The following RELA variants were observed in gnomAD, a reference collection of about 807,000 sequenced individuals.
RELA encodes the protein transcription factor p65.
RELA carries 14 observed loss-of-function variants against 56.7 expected under a neutral mutation model. The observed-to-expected ratio is 0.25, with a 90% confidence interval of 0.16 to 0.39. RELA has a LOEUF of 0.39. RELA is among the 10% of genes least tolerant of loss of function. RELA has a pLI of 1.00. For missense variants in RELA, 559 were observed against 736.4 expected, an observed-to-expected ratio of 0.76 and a Z score of 2.79; for synonymous variants, 315 against 289.7, an observed-to-expected ratio of 1.09 and a Z score of -0.89.
At chr11:65,660,009 G>T in intron 5 of RELA, 115 bp downstream of exon 5, 2 of 1,218,084 alleles carry the variant, frequency 1.6e-6, no homozygotes, top group South Asian at 1.3e-5. Flanking sequence ...GGAGAGTACT[G>T]AATGGGCACC....
intron 4 of RELA, 91 bp downstream of exon 4, chr11:65,661,596 T>C: frequency 2.4e-6 from 3 of 1,265,106 alleles, no homozygotes; most frequent in Non-Finnish European, 3.3e-6. Flanking sequence ...AATTCTGCCC[T>C]GGGTCCAGAA....
chr11:65,661,914 GCA>G, intron 3 of RELA, 21 bp downstream of exon 3: 1 of 1,608,552 alleles, frequency 6.2e-7, no homozygotes, highest in Non-Finnish European at 8.5e-7. Context: ...TCCCTTCCCC[GCA>G]CACCCTGGCG....
chr11:65,663,687 C>T (rs1052086487), upstream of RELA, among the ~76,000 whole-genome samples: 40 of 152,280 alleles, frequency 2.6e-4, no homozygotes, highest in African/African-American at 8.4e-4. Context: ...TCAGAAGGTG[C>T]GGGACCCACA....
rs1260899484 is a variant in RELA at position 65,654,857 on chromosome 11, G to A, written c.1177C>T (p.Pro393Ser). Residue 393 changes from proline to serine, a missense_variant, in exon 11 of 11, where the codon CCT becomes TCT. Transcript: ENST00000406246. Reference sequence around the variant, plus strand: ...GATACCATGGCTGGAGCAGGGGCAGGGGCTGGAGCCTGGGGCAGGACTTGG... The same window carrying A: ...GATACCATGGCTGGAGCAGGGGCAGAGGCTGGAGCCTGGGGCAGGACTTGG... Reference protein sequence around the residue: ...PPQVLPQAPAPAPAPAMVSAL... With the variant: ...PPQVLPQAPASAPAPAMVSAL... The A allele has an allele frequency of 6.4e-7, 1 of 1,565,666 alleles. No homozygotes were observed. The highest frequency in any genetic ancestry group is 8.7e-7 in the Non-Finnish European group (1 of 1,152,734).
intron 10 of RELA, 32 bp downstream of exon 10, chr11:65,655,656 G>A: frequency 6.2e-7 from 1 of 1,604,262 alleles, no homozygotes; most frequent in Non-Finnish European, 8.5e-7. Context: ...AGCTGAACCT[G>A]TCGTTCCAGT....
rs912392855 is a variant in RELA at position 65,658,614 on chromosome 11, G to A, written c.664+104C>T. On this transcript the variant is annotated intron_variant, in intron 7 of 10. Coordinates refer to ENST00000406246, the MANE Select transcript of RELA (RefSeq NM_021975.4). The surrounding 1 kb of genome is among the most constrained non-coding windows in gnomAD (Gnocchi z 4.5). ...ACCCTTCGGCCCACCTGAGGCCCCC[G>A]AGGCACAGGAGGAAGTATCCAAAGC... The A allele has an allele frequency of 1.2e-5, 17 of 1,376,730 alleles. No individual in the cohort carries two copies. Among genetic ancestry groups the A allele is most frequent in the South Asian group, 3.6e-5 (3 of 83,518 alleles). The allele number at this position is 1,376,730 out of a possible 1,614,324, so 85.3% of individuals were successfully genotyped here.
chr11:65,660,985 G>A (rs1856549754), intron 4 of RELA, among the ~76,000 whole-genome samples: 2 of 148,974 alleles, frequency 1.3e-5, no homozygotes, highest in Non-Finnish European at 3.0e-5. Context: ...GTTGCAGTGA[G>A]CTGAGATCGC....
chr11:65,656,908 C>T (rs1242460058), intron 8 of RELA, among the ~76,000 whole-genome samples: 2 of 152,078 alleles, frequency 1.3e-5, no homozygotes, highest in Non-Finnish European at 2.9e-5. Flanking sequence ...GCCTGTAGTC[C>T]CAGCTACTCG....
chr11:65,658,680 T>G lies in RELA; in HGVS notation c.664+38A>C, dbSNP rs1365949088. The G allele has an allele frequency of 1.3e-6, 2 of 1,579,466 alleles. No homozygotes were observed. The highest frequency in any genetic ancestry group is 1.7e-6 in the Non-Finnish European group (2 of 1,149,104). ...CCACTTCTCTGCTCAGCTTCACCCCTTGCTCCCAAGAGCCCACCCCTGCCT... is the reference window on the plus strand; with the variant it reads ...CCACTTCTCTGCTCAGCTTCACCCCGTGCTCCCAAGAGCCCACCCCTGCCT... On this transcript the variant is annotated intron_variant, in intron 7 of 10. Coordinates refer to ENST00000406246, the MANE Select transcript of RELA (RefSeq NM_021975.4). This position sits in a 1 kb window ranked among gnomAD's most constrained non-coding sequence, Gnocchi z 4.5.
chr11:65,654,892 G>A lies in RELA; in HGVS notation c.1142C>T (p.Pro381Leu), dbSNP rs1290399583. The change falls in exon 11 of 11, where the codon CCG becomes CTG. Residue 381 changes from proline (P) to leucine (L), a missense_variant. Coordinates refer to ENST00000406246, the MANE Select transcript of RELA (RefSeq NM_021975.4). ...GQISQASALA[P>L]APPQVLPQAP... The stretch of plus-strand genomic sequence containing the variant: ...CTGGGGCAGGACTTGGGGAGGGGCC[G>A]GGGCCAAGGCCGAGGCCTGGCTGAT... 2.0e-5 allele frequency: 31 copies of A among 1,585,000 alleles called. 1 individual carries two copies. The East Asian group carries it at 5.9e-4, about 30-fold the overall frequency.
At chr11:65,662,133 C>T (rs1170873726) in intron 2 of RELA, 45 bp from the exon 3 acceptor site, 1 of 1,600,420 alleles carries the variant, frequency 6.2e-7, no homozygotes, top group Non-Finnish European at 8.5e-7. Context: ...GCCCCCACTG[C>T]CCTACCCCAG....
At position 65,662,012 on chromosome 11, in the gene RELA, C is replaced by T; in HGVS notation, c.111G>A (p.Lys37=). 6.2e-7 allele frequency: 1 copy of T among 1,613,672 alleles called. No individual in the cohort carries two copies. The highest frequency in any genetic ancestry group is 1.1e-5 in the South Asian group (1 of 91,024). Residue 37 remains lysine (K), a synonymous_variant, in exon 3 of 11, where the codon AAG becomes AAA. Coordinates refer to ENST00000406246, the MANE Select transcript of RELA (RefSeq NM_021975.4). ...PKQRGMRFRY[K]CEGRSAGSIP... is the part of the protein sequence containing the mutation. The stretch of plus-strand genomic sequence containing the variant: ...TGCTGCCCGCGGAGCGCCCCTCGCA[C>T]TTGTAGCGGAAGCGCATGCCCCGCT...
chr11:65,656,393 G>C (rs1177630680), intron 8 of RELA, among the ~76,000 whole-genome samples: 2 of 152,180 alleles, frequency 1.3e-5, no homozygotes, highest in Non-Finnish European at 2.9e-5. Flanking sequence ...TTTCAGAACT[G>C]TCTTTCTAAT....
intron 4 of RELA, among the ~76,000 whole-genome samples, chr11:65,661,037 TAAAA>T (rs34431664): frequency 1.8e-5 from 2 of 109,258 alleles, no homozygotes; most frequent in Non-Finnish European, 1.8e-5. Flanking sequence ...GACTCTTTCT[TAAAA>T]AAAAAAAAAA....
At chr11:65,656,838 C>T (rs1183991512) in intron 8 of RELA, among the ~76,000 whole-genome samples, 1 of 152,150 alleles carries the variant, frequency 6.6e-6, no homozygotes, top group African/African-American at 2.4e-5. Flanking sequence ...CCCTGGCCAA[C>T]ATGGTGAAAA....
rs760872366 is a variant in RELA at position 65,658,243 on chromosome 11, GCA to G, written c.877+42_877+43del. ...ATGCAGTCTTGGCCTCTCTCTCACG[GCA>G]CAGAGCCCAGCTGCCCTGATGCTGC... On this transcript the variant is annotated intron_variant, in intron 8 of 10. Transcript: ENST00000406246. The surrounding 1 kb of genome is among the most constrained non-coding windows in gnomAD (Gnocchi z 4.5). 6.9e-7 allele frequency: 1 copy of G among 1,453,866 alleles called. No individual in the cohort carries two copies. The highest frequency in any genetic ancestry group is 9.4e-7 in the Non-Finnish European group (1 of 1,064,162). 90.1% of individuals were successfully genotyped at this position (1,453,866 alleles called of 1,614,324 possible). A position where few individuals can be genotyped will look rare whatever the true frequency, so the allele number is the denominator to read the frequency against.
At chr11:65,659,949 G>T in intron 5 of RELA, 152 bp from the exon 6 acceptor site, 2 of 1,199,646 alleles carry the variant, frequency 1.7e-6, no homozygotes, top group Non-Finnish European at 2.4e-6. Context: ...CTCCACTGTG[G>T]CCTGAATGTC....
At chr11:65,662,645 G>A (rs1856602584) in intron 1 of RELA, 181 bp downstream of exon 1, 1 of 406,730 alleles carries the variant, frequency 2.5e-6, no homozygotes, top group South Asian at 1.2e-4. Context: ...CCTCCACCCA[G>A]AGGGGAAACT....
At position 65,654,248 on chromosome 11, in the gene RELA, T is replaced by TC. The variant is rs1856356602; in HGVS notation, c.*129dup. On this transcript the variant is annotated 3_prime_UTR_variant, in exon 11 of 11. Coordinates refer to ENST00000406246, the MANE Select transcript of RELA (RefSeq NM_021975.4). ...TGACAATAAAAGAATAAAATATGGC[T>TC]CCCCCCTCCAAGGAAGACATCCACA... The TC allele has an allele frequency of 9.1e-7, 1 of 1,095,138 alleles. No homozygotes were observed. Among genetic ancestry groups the TC allele is most frequent in the Admixed American group, 1.9e-5 (1 of 52,336 alleles). 67.8% of individuals were successfully genotyped at this position (1,095,138 alleles called of 1,614,324 possible).
Sources: gnomAD v4.1 joint callset for allele counts (sites outside exome capture counted in the v4.1 genomes callset) on GRCh38, gnomAD v4.1.1 for gene constraint, Gnocchi (gnomAD v3.1) non-coding constraint, MANE v1.5 for transcripts, NCBI Gene and HGNC (gene_info 2026-07-23, HGNC 2026-07-21) for gene names.